C8orf34: variants seen among roughly 807,000 people sequenced by gnomAD.
The protein encoded by C8orf34 is uncharacterized protein C8orf34.
A neutral mutation model predicts 68.3 loss-of-function variants in C8orf34; 65 were observed. The ratio of observed to expected loss-of-function variants is 0.95; its 90% CI spans 0.78 to 1.17. C8orf34 has a LOEUF of 1.17. C8orf34 is among the 50% of genes most tolerant of loss of function. The pLI is 0.00. For missense variants in C8orf34, 664 were observed against 655.4 expected, an observed-to-expected ratio of 1.01 and a Z score of -0.14; for synonymous variants, 244 against 241.2, an observed-to-expected ratio of 1.01 and a Z score of -0.11.
At chr8:68,594,903 C>T (rs557125217) in intron 7 of C8orf34, among the ~76,000 whole-genome samples, 1 of 151,796 alleles carries the variant, frequency 6.6e-6, no homozygotes, top group South Asian at 2.1e-4. Context: ...CAATTTTAAT[C>T]CTGCTGGCTT....
chr8:68,520,910 A>G lies in C8orf34; in HGVS notation c.766-889A>G, dbSNP rs77795577. On this transcript the variant is annotated intron_variant, in intron 5 of 13. Transcript: ENST00000518698. ...TACATATTTACTGTAGCAAATAGAAATGATGTTGCAATGCAAAAAGAAGAA... is the reference window on the plus strand; with the variant it reads ...TACATATTTACTGTAGCAAATAGAAGTGATGTTGCAATGCAAAAAGAAGAA... Among the ~76,000 whole-genome samples, 788 of 152,350 alleles carry G rather than the reference A, an allele frequency of 5.2e-3. 7 individuals carry two copies. Among genetic ancestry groups the G allele is most frequent in the African/African-American group, 0.018 (749 of 41,578 alleles).
Position 68,671,551 on chromosome 8 carries a change from A to G in C8orf34, c.1241+31040A>G, listed in dbSNP as rs1205936806. Among the ~76,000 whole-genome samples the G allele has an allele frequency of 2.6e-5, 4 of 152,354 alleles. No individual in the cohort carries two copies. The East Asian group carries it at 7.7e-4, about 29-fold the overall frequency. ...GTAGAGCGACATTTTAGAATACAAT[A>G]CTAGCATGGGAATGCTGAATTCAGA... On this transcript the variant is annotated intron_variant, in intron 8 of 13. Coordinates refer to ENST00000518698, the MANE Select transcript of C8orf34 (RefSeq NM_052958.4).
intron 1 of C8orf34, among the ~76,000 whole-genome samples, chr8:68,392,459 T>C (rs1249154893): frequency 6.6e-6 from 1 of 152,026 alleles, no homozygotes. Flanking sequence ...ACCCTTGAGT[T>C]GCACATACAA....
intron 12 of C8orf34, among the ~76,000 whole-genome samples, chr8:68,798,896 A>G (rs1824253700): frequency 6.6e-6 from 1 of 152,234 alleles, no homozygotes; most frequent in African/African-American, 2.4e-5. Context: ...ATAAAGTATT[A>G]TTAAGTGTAA....
intron 8 of C8orf34, among the ~76,000 whole-genome samples, chr8:68,643,096 C>T (rs1200278235): frequency 6.6e-6 from 1 of 152,158 alleles, no homozygotes; most frequent in African/African-American, 2.4e-5. Flanking sequence ...CCATGCTATA[C>T]AAATATTCTT....
chr8:68,564,501 G>A (rs1391778402), intron 7 of C8orf34, among the ~76,000 whole-genome samples: 1 of 151,942 alleles, frequency 6.6e-6, no homozygotes, highest in Non-Finnish European at 1.5e-5. Flanking sequence ...CACCCTTTTT[G>A]CATAAACTTC....
At chr8:68,677,717 G>A (rs766190708) in intron 8 of C8orf34, among the ~76,000 whole-genome samples, 3 of 151,692 alleles carry the variant, frequency 2.0e-5, no homozygotes, top group East Asian at 3.9e-4. Flanking sequence ...AATAGTAGAA[G>A]AAAAGAAATA....
chr8:68,610,564 G>T (rs1817986182), intron 7 of C8orf34, among the ~76,000 whole-genome samples: 1 of 152,038 alleles, frequency 6.6e-6, no homozygotes, highest in South Asian at 2.1e-4. Context: ...ATAAATTCTT[G>T]GCTTCATTTG....
chr8:68,410,272 G>A (rs1809389767), intron 1 of C8orf34, among the ~76,000 whole-genome samples: 1 of 152,060 alleles, frequency 6.6e-6, no homozygotes, highest in Non-Finnish European at 1.5e-5. Context: ...CAATACAGTT[G>A]GCCCTCTGTA....
chr8:68,535,234 G>C, intron 7 of C8orf34: 1 of 977,984 alleles, frequency 1.0e-6, no homozygotes. Context: ...TAATTTTATA[G>C]AGTTTATATA....
intron 9 of C8orf34, among the ~76,000 whole-genome samples, chr8:68,715,071 A>G (rs1027072764): frequency 8.5e-5 from 13 of 152,198 alleles, no homozygotes; most frequent in Non-Finnish European, 1.2e-4. Flanking sequence ...TTGGCAAGCC[A>G]CATGTAGAAG....
intron 8 of C8orf34, among the ~76,000 whole-genome samples, chr8:68,664,902 A>C (rs1819792173): frequency 6.6e-6 from 1 of 152,236 alleles, no homozygotes; most frequent in African/African-American, 2.4e-5. Context: ...TAGATGGTTT[A>C]GATAAAGTTA....
chr8:68,638,050 G>C (rs1013820762), intron 7 of C8orf34, among the ~76,000 whole-genome samples: 2 of 152,180 alleles, frequency 1.3e-5, no homozygotes, highest in Non-Finnish European at 2.9e-5. Flanking sequence ...GAGAATGGCT[G>C]TAATTAAGTA....
chr8:68,786,421 A>C (rs1013248805), intron 11 of C8orf34, among the ~76,000 whole-genome samples: 1 of 152,202 alleles, frequency 6.6e-6, no homozygotes, highest in Non-Finnish European at 1.5e-5. Flanking sequence ...TTATGACCTC[A>C]AGGACCTTTT....
chr8:68,772,140 T>G (rs1295663537), intron 10 of C8orf34, among the ~76,000 whole-genome samples: 1 of 152,178 alleles, frequency 6.6e-6, no homozygotes, highest in African/African-American at 2.4e-5. Context: ...TATTGTTTAG[T>G]TTCCTTTGAA....
At chr8:68,764,334 T>C (rs1021097895) in intron 10 of C8orf34, among the ~76,000 whole-genome samples, 5 of 152,188 alleles carry the variant, frequency 3.3e-5, no homozygotes, top group Admixed American at 3.3e-4. Flanking sequence ...GTTTATGTGA[T>C]AGTTTGTTGG....
At chr8:68,339,643 T>A (rs138694159) in intron 1 of C8orf34, among the ~76,000 whole-genome samples, 2 of 152,096 alleles carry the variant, frequency 1.3e-5, no homozygotes, top group East Asian at 1.9e-4. Context: ...CAGTGCAGTA[T>A]TGGTGTAAAT....
chr8:68,772,883 C>T (rs1823394537), intron 10 of C8orf34, among the ~76,000 whole-genome samples: 1 of 149,760 alleles, frequency 6.7e-6, no homozygotes. Context: ...TTCCTTCCTT[C>T]CTTCCTTCTT....
intron 7 of C8orf34, among the ~76,000 whole-genome samples, chr8:68,635,783 T>C (rs899860066): frequency 6.6e-6 from 1 of 152,208 alleles, no homozygotes; most frequent in Non-Finnish European, 1.5e-5. Flanking sequence ...GGTTGTTATA[T>C]TGATGAGAAA....
Sources: gnomAD v4.1 joint callset for allele counts (sites outside exome capture counted in the v4.1 genomes callset) on GRCh38, gnomAD v4.1.1 for gene constraint, MANE v1.5 for transcripts, NCBI Gene and HGNC (gene_info 2026-07-23, HGNC 2026-07-21) for gene names.